ATP8A1: variants seen among roughly 807,000 people sequenced by gnomAD.
ATP8A1 encodes the protein phospholipid-transporting ATPase IA.
ATP8A1 carries 90 observed loss-of-function variants against 177.7 expected under a neutral mutation model. That is an observed-to-expected ratio of 0.51 (90% CI 0.43 to 0.60). The LOEUF (loss-of-function observed/expected upper bound fraction) is 0.60. Ranked by LOEUF, ATP8A1 falls within the 20% of genes least tolerant of loss-of-function variation. The pLI is 0.00. For synonymous variants in ATP8A1, 493 were observed against 485.9 expected, an observed-to-expected ratio of 1.01 and a Z score of -0.19; for missense variants, 1,072 against 1,392.8, an observed-to-expected ratio of 0.77 and a Z score of 3.67.
At chr4:42,579,717 T>C (rs1233342351) in intron 11 of ATP8A1, 96 bp downstream of exon 11, 33 of 1,166,620 alleles carry the variant, frequency 2.8e-5, no homozygotes, top group Non-Finnish European at 3.4e-5. Context: ...AACAAGGTCT[T>C]TTTAGAAACA....
rs1738189658 is a variant in ATP8A1, at chr4:42,627,117, A to G, written c.50-8T>C. The G allele has an allele frequency of 6.3e-7, 1 of 1,596,686 alleles. No homozygotes were observed. The highest frequency in any genetic ancestry group is 8.6e-7 in the Non-Finnish European group (1 of 1,164,594). On this transcript the variant is annotated splice_polypyrimidine_tract_variant and splice_region_variant and intron_variant, in intron 1 of 36. Transcript: ENST00000381668. ...CATCTGTCTTCTCATAACCTTAAAA[A>G]GAGATCTTCTTATTGTACAAGAAAT...
intron 1 of ATP8A1, among the ~76,000 whole-genome samples, chr4:42,637,736 C>T (rs1577755171): frequency 1.3e-5 from 2 of 152,202 alleles, no homozygotes; most frequent in Non-Finnish European, 2.9e-5. Context: ...TTTGACCTCA[C>T]CTCTCCCTTT....
intron 24 of ATP8A1, among the ~76,000 whole-genome samples, chr4:42,489,468 CAA>C (rs1267842795): frequency 2.0e-5 from 3 of 152,148 alleles, no homozygotes; most frequent in Non-Finnish European, 2.9e-5. Flanking sequence ...CAGAAGGTGT[CAA>C]GAGATGTGAT....
intron 7 of ATP8A1, chr4:42,588,589 A>C (rs1733857514): frequency 3.0e-6 from 1 of 331,606 alleles, no homozygotes; most frequent in Non-Finnish European, 5.6e-6. Flanking sequence ...AAGATAATGC[A>C]AATGAATAGA....
At chr4:42,464,023 T>G (rs1387117151) in intron 27 of ATP8A1, among the ~76,000 whole-genome samples, 1 of 152,186 alleles carries the variant, frequency 6.6e-6, no homozygotes, top group African/African-American at 2.4e-5. Flanking sequence ...TTCCCTCACC[T>G]TTTTTAAAAA....
chr4:42,613,740 C>G (rs1473296232), intron 5 of ATP8A1, among the ~76,000 whole-genome samples: 1 of 151,996 alleles, frequency 6.6e-6, no homozygotes, highest in Non-Finnish European at 1.5e-5. Flanking sequence ...CCTGCCACCA[C>G]GCCCAACTAA....
At chr4:42,605,221 T>A (rs1323264433) in intron 5 of ATP8A1, among the ~76,000 whole-genome samples, 3 of 152,228 alleles carry the variant, frequency 2.0e-5, no homozygotes, top group Admixed American at 2.0e-4. Flanking sequence ...GCCAATGAAC[T>A]ATTTTAACAT....
At chr4:42,451,278 G>A (rs1397311277) in intron 30 of ATP8A1, among the ~76,000 whole-genome samples, 4 of 152,038 alleles carry the variant, frequency 2.6e-5, no homozygotes, top group Admixed American at 1.3e-4. Context: ...CAATTCCTTG[G>A]GTGTACTATG....
At chr4:42,537,974 A>G (rs141021270) in intron 20 of ATP8A1, among the ~76,000 whole-genome samples, 82 of 152,346 alleles carry the variant, frequency 5.4e-4, no homozygotes, top group African/African-American at 1.8e-3. Context: ...AAAAACAACA[A>G]ATCTGGAGGC....
At chr4:42,593,207 G>T in intron 6 of ATP8A1, among the ~76,000 whole-genome samples, 1 of 151,998 alleles carries the variant, frequency 6.6e-6, no homozygotes, top group East Asian at 1.9e-4. Flanking sequence ...TAGAACCTGA[G>T]ACAATGACAA....
In ATP8A1 at chr4:42,424,906, A is replaced by G. The variant is rs920338913; in HGVS notation, c.3124-1201T>C. Among the ~76,000 whole-genome samples the G allele has an allele frequency of 9.8e-5, 15 of 152,346 alleles. No individual in the cohort carries two copies. In the South Asian group the frequency reaches 1.2e-3, roughly 13 times the overall value. ...AAATAAGTTTTGCCACATGGGTTCA[A>G]TGAAATAGCACCAATATTCGAGACA... On this transcript the variant is annotated intron_variant, in intron 33 of 36. Coordinates refer to ENST00000381668, the MANE Select transcript of ATP8A1 (RefSeq NM_006095.2).
intron 32 of ATP8A1, among the ~76,000 whole-genome samples, chr4:42,444,287 G>A (rs1027148910): frequency 5.3e-5 from 8 of 152,126 alleles, no homozygotes; most frequent in East Asian, 1.9e-4. Flanking sequence ...CTTGTAATCC[G>A]TAAGTTTAAA....
At chr4:42,641,262 TG>T (rs955373637) in intron 1 of ATP8A1, among the ~76,000 whole-genome samples, 2 of 152,132 alleles carry the variant, frequency 1.3e-5, no homozygotes, top group Non-Finnish European at 2.9e-5. Flanking sequence ...AAATACAATA[TG>T]GGAGACACCT....
chr4:42,466,970 A>G (rs1196900166), intron 25 of ATP8A1, among the ~76,000 whole-genome samples: 1 of 152,236 alleles, frequency 6.6e-6, no homozygotes, highest in Non-Finnish European at 1.5e-5. Flanking sequence ...AAGCTTTATC[A>G]AATTCTCTTT....
rs1030619399 is a variant in ATP8A1, at chr4:42,632,166, A to G, written c.50-5057T>C. Among the ~76,000 whole-genome samples, 3 of 152,216 alleles carry G rather than the reference A, an allele frequency of 2.0e-5. No individual in the cohort carries two copies. The East Asian group carries it at 5.8e-4, about 29-fold the overall frequency. On this transcript the variant is annotated intron_variant, in intron 1 of 36. Coordinates refer to ENST00000381668, the MANE Select transcript of ATP8A1 (RefSeq NM_006095.2). Reference sequence around the variant, plus strand: ...TTTCTATGTATGAAAGCACATTTGTATAGCAGCTTCTGGGAAATCTTAGCT... The same window carrying G: ...TTTCTATGTATGAAAGCACATTTGTGTAGCAGCTTCTGGGAAATCTTAGCT...
intron 35 of ATP8A1, among the ~76,000 whole-genome samples, chr4:42,419,773 G>A (rs1713658407): frequency 6.6e-6 from 1 of 152,198 alleles, no homozygotes; most frequent in African/African-American, 2.4e-5. Flanking sequence ...GGAGGCTGAG[G>A]CGGGTGGATC....
intron 35 of ATP8A1, 38 bp from the exon 36 acceptor site, chr4:42,414,756 A>G (rs369514782): frequency 4.6e-6 from 7 of 1,532,452 alleles, no homozygotes; most frequent in African/African-American, 4.1e-5. Flanking sequence ...TGAATTATCA[A>G]CTCGGCAGAG....
intron 30 of ATP8A1, among the ~76,000 whole-genome samples, chr4:42,450,775 C>CTA (rs896961496): frequency 3.3e-5 from 5 of 152,232 alleles, no homozygotes; most frequent in African/African-American, 1.2e-4. Flanking sequence ...ACGCACTGTT[C>CTA]TAAGCACTGT....
chr4:42,560,696 T>C (rs891369365), intron 15 of ATP8A1, among the ~76,000 whole-genome samples: 14 of 151,938 alleles, frequency 9.2e-5, no homozygotes, highest in African/African-American at 3.4e-4. Flanking sequence ...CCAAATGTCC[T>C]GAGTAGACAG....
Sources: gnomAD v4.1 joint callset for allele counts (sites outside exome capture counted in the v4.1 genomes callset) on GRCh38, gnomAD v4.1.1 for gene constraint, MANE v1.5 for transcripts, NCBI Gene and HGNC (gene_info 2026-07-23, HGNC 2026-07-21) for gene names.